The following ATP9A variants were observed in gnomAD, a reference collection of about 807,000 sequenced individuals.
The protein encoded by ATP9A is probable phospholipid-transporting ATPase IIA.
Under a neutral mutation model 144.1 loss-of-function variants are expected in ATP9A, and 52 were observed. That is an observed-to-expected ratio of 0.36 (90% CI 0.29 to 0.45). The LOEUF is 0.45. Among genes scored for constraint, ATP9A ranks in the 20% least tolerant of loss-of-function variants. The pLI is 1.00. For synonymous variants in ATP9A, 582 were observed against 557.4 expected, an observed-to-expected ratio of 1.04 and a Z score of -0.62; for missense variants, 947 against 1,392.7, an observed-to-expected ratio of 0.68 and a Z score of 5.09.
intron 12 of ATP9A, 78 bp downstream of exon 12, chr20:51,671,037 A>C: frequency 6.5e-7 from 1 of 1,540,920 alleles, no homozygotes; most frequent in Non-Finnish European, 8.9e-7. Flanking sequence ...GTCCAGAGAG[A>C]GCCCAAGAAT....
chr20:51,721,106 G>A (rs2077687016), intron 3 of ATP9A, among the ~76,000 whole-genome samples: 1 of 152,160 alleles, frequency 6.6e-6, no homozygotes, highest in Non-Finnish European at 1.5e-5. Context: ...CTCTTCTCAG[G>A]GCAAGAGCTG....
chr20:51,713,066 C>T lies in ATP9A; in HGVS notation c.336G>A (p.Val112=). The change falls in exon 4 of 28, where the codon GTG becomes GTA. Residue 112 remains valine, a synonymous_variant. Coordinates refer to ENST00000338821, the MANE Select transcript of ATP9A (RefSeq NM_006045.3). ...CCTCACGGATGACAGTGACGGCCAGCACGAAGCCCTGCAGAGACAGACGAC... is the reference window on the plus strand; with the variant it reads ...CCTCACGGATGACAGTGACGGCCAGTACGAAGCCCTGCAGAGACAGACGAC... ...LYTYWVPLGF[V]LAVTVIREAV... is the part of the protein sequence containing the mutation. 6.2e-7 allele frequency: 1 copy of T among 1,610,434 alleles called. No individual in the cohort carries two copies. The highest frequency in any genetic ancestry group is 8.5e-7 in the Non-Finnish European group (1 of 1,178,522).
intron 4 of ATP9A, 140 bp from the exon 5 acceptor site, chr20:51,697,622 C>T: frequency 1.5e-6 from 1 of 677,042 alleles, no homozygotes; most frequent in Non-Finnish European, 2.4e-6. Flanking sequence ...GACTCCAGCA[C>T]CATTATTTCC....
chr20:51,608,878 A>G (rs935929175), intron 24 of ATP9A, among the ~76,000 whole-genome samples: 1 of 151,688 alleles, frequency 6.6e-6, no homozygotes, highest in Non-Finnish European at 1.5e-5. Context: ...TGTGTGTTAG[A>G]GAAGTGCTAA....
intron 14 of ATP9A, among the ~76,000 whole-genome samples, chr20:51,656,334 C>G (rs1382119736): frequency 6.6e-6 from 1 of 152,164 alleles, no homozygotes; most frequent in East Asian, 1.9e-4. Flanking sequence ...AGTGGATCAC[C>G]TGAGGTCAGG....
intron 3 of ATP9A, among the ~76,000 whole-genome samples, chr20:51,716,802 C>A (rs1288348336): frequency 6.6e-6 from 1 of 152,188 alleles, no homozygotes; most frequent in African/African-American, 2.4e-5. Context: ...TCCCAACAAA[C>A]CAAGGCAGTA....
chr20:51,639,111 C>T (rs1034953834), intron 15 of ATP9A, among the ~76,000 whole-genome samples: 1 of 152,152 alleles, frequency 6.6e-6, no homozygotes, highest in African/African-American at 2.4e-5. Flanking sequence ...CCCCAATGGA[C>T]GTTCTCTTTA....
chr20:51,722,459 C>T (rs1301305418), intron 3 of ATP9A, among the ~76,000 whole-genome samples: 1 of 152,026 alleles, frequency 6.6e-6, no homozygotes, highest in African/African-American at 2.4e-5. Context: ...AAAGGACTAA[C>T]ATCCAGAATC....
At chr20:51,658,594 A>T (rs1416614731) in intron 13 of ATP9A, among the ~76,000 whole-genome samples, 5 of 138,066 alleles carry the variant, frequency 3.6e-5, no homozygotes, top group African/African-American at 5.5e-5. Flanking sequence ...ATCTCAGCTC[A>T]CTGCAATCTC....
intron 18 of ATP9A, among the ~76,000 whole-genome samples, chr20:51,623,528 C>G (rs1270954839): frequency 6.6e-6 from 1 of 152,116 alleles, no homozygotes; most frequent in Non-Finnish European, 1.5e-5. Context: ...CGCCTATAAT[C>G]CCAACACTTT....
intron 7 of ATP9A, among the ~76,000 whole-genome samples, chr20:51,693,571 G>A (rs994156253): frequency 1.3e-5 from 2 of 152,090 alleles, no homozygotes; most frequent in African/African-American, 2.4e-5. Context: ...ATGCTGCCCA[G>A]GCTGGAGTGC....
chr20:51,616,751 T>C (rs1308141951), intron 22 of ATP9A, among the ~76,000 whole-genome samples: 6 of 152,072 alleles, frequency 3.9e-5, no homozygotes, highest in African/African-American at 7.2e-5. Context: ...AGAAAAAATA[T>C]TTCCTAACAC....
chr20:51,710,813 C>T (rs6126313), intron 4 of ATP9A, among the ~76,000 whole-genome samples: 43,484 of 151,834 alleles, frequency 0.29, 6,356 homozygotes, highest in East Asian at 0.45. Flanking sequence ...TGGGAAGGGG[C>T]GTGCAGTGGA....
chr20:51,661,315 C>A (rs1446714831), intron 13 of ATP9A, among the ~76,000 whole-genome samples: 1 of 151,830 alleles, frequency 6.6e-6, no homozygotes, highest in African/African-American at 2.4e-5. Context: ...CACATATGGG[C>A]ATTCATACTA....
intron 1 of ATP9A, among the ~76,000 whole-genome samples, chr20:51,733,252 A>G (rs1042798570): frequency 2.0e-5 from 3 of 152,258 alleles, no homozygotes; most frequent in Admixed American, 1.3e-4. Flanking sequence ...TCCCGCTACT[A>G]TAACAAAATA....
At chr20:51,623,713 A>C (rs1440756372) in intron 18 of ATP9A, among the ~76,000 whole-genome samples, 1 of 150,734 alleles carries the variant, frequency 6.6e-6, no homozygotes, top group Non-Finnish European at 1.5e-5. Context: ...TCTTGAACCC[A>C]GGAAGTGGAG....
chr20:51,767,399 G>A (rs945273895), intron 1 of ATP9A, among the ~76,000 whole-genome samples: 1 of 47,338 alleles, frequency 2.1e-5, no homozygotes, highest in Non-Finnish European at 4.6e-5. Flanking sequence ...GCCCACCCCC[G>A]TCCTTCCCAC....
rs115600400 is a variant in ATP9A, at chr20:51,661,496, G to A, written c.1294-4346C>T. 7.2e-3 allele frequency among the ~76,000 whole-genome samples: 1,073 copies of A among 149,084 alleles called. 13 individuals carry two copies. The highest frequency in any genetic ancestry group is 0.025 in the African/African-American group (1,008 of 40,528). ...CTCCCACCTCAGCCTTCTGAATACC[G>A]GGACCACAGGCGTGCACCACCATGC... On this transcript the variant is annotated intron_variant, in intron 13 of 27. Transcript: ENST00000338821.
intron 15 of ATP9A, among the ~76,000 whole-genome samples, chr20:51,638,101 ATATATATATATATATATATATATC>A (rs2122744593): frequency 2.7e-5 from 2 of 74,226 alleles, no homozygotes; most frequent in Admixed American, 3.1e-4. Flanking sequence ...ATATATATAT[ATATATATATATATATATATATATC>A]TCATAGTTCC....
Sources: allele counts gnomAD v4.1 joint callset (sites outside exome capture counted in the v4.1 genomes callset), GRCh38; gene constraint gnomAD v4.1.1; transcripts MANE v1.5; gene names NCBI Gene and HGNC (gene_info 2026-07-23, HGNC 2026-07-21).